The following MYO15A variants were observed in gnomAD, a reference collection of about 807,000 sequenced individuals.
MYO15A encodes the protein unconventional myosin-XV.
MYO15A carries 308 observed loss-of-function variants against 394.6 expected under a neutral mutation model. The ratio of observed to expected loss-of-function variants is 0.78; its 90% CI spans 0.71 to 0.86. The LOEUF is 0.86. Ranked by LOEUF, MYO15A falls within the 40% of genes least tolerant of loss-of-function variation. MYO15A has a pLI of 0.00. For missense variants in MYO15A, 4,606 were observed against 4,799.1 expected, an observed-to-expected ratio of 0.96 and a Z score of 1.19; for synonymous variants, 1,957 against 2,003.8, an observed-to-expected ratio of 0.98 and a Z score of 0.62.
intron 33 of MYO15A, 123 bp from the exon 34 acceptor site, chr17:18,149,093 A>T (rs1693518689): frequency 1.2e-5 from 18 of 1,481,636 alleles, no homozygotes; most frequent in Non-Finnish European, 1.6e-5. Flanking sequence ...AAGGAGGTAG[A>T]GTTCACCAAA....
Position 18,171,535 on chromosome 17 carries a change from G to A in MYO15A, c.10083-103G>A, listed in dbSNP as rs2046939733. 6 of 1,547,004 alleles carry A rather than the reference G, an allele frequency of 3.9e-6. No homozygotes were observed. In the Admixed American group the frequency reaches 1.0e-4, roughly 26 times the overall value. On this transcript the variant is annotated intron_variant, in intron 62 of 65. Coordinates refer to ENST00000647165, the MANE Select transcript of MYO15A (RefSeq NM_016239.4). ...CACTCCCTAGCATTTAGTCTTCCAG[G>A]GAGGTGCATAGATCAGGACTGCTCT...
Position 18,171,692 on chromosome 17 carries a change from G to A in MYO15A, c.10137G>A (p.Ser3379=), listed in dbSNP as rs778466138. 9 of 1,613,214 alleles carry A rather than the reference G, an allele frequency of 5.6e-6. No individual in the cohort carries two copies. The highest frequency in any genetic ancestry group is 3.3e-5 in the South Asian group (3 of 91,082). ...PAQLYRTTAG[S]TWLNLVSQHR... is the part of the protein sequence containing the mutation. ...AGCTCTACCGTACAACGGCAGGCTC[G>A]ACCTGGCTCAACCTGGTCAGCCAGC... The change falls in exon 63 of 66, where the codon TCG becomes TCA. Residue 3379 remains serine, a synonymous_variant. Coordinates refer to ENST00000647165, the MANE Select transcript of MYO15A (RefSeq NM_016239.4).
chr17:18,141,814 G>C (rs753377014), intron 23 of MYO15A, 44 bp downstream of exon 23: 45 of 1,590,958 alleles, frequency 2.8e-5, no homozygotes, highest in Non-Finnish European at 2.1e-5. Context: ...CCCAAGTTTG[G>C]GGGGGTCCAC....
At chr17:18,174,056 C>T (rs2046980408) in intron 65 of MYO15A, 135 bp downstream of exon 65, 2 of 1,259,250 alleles carry the variant, frequency 1.6e-6, no homozygotes, top group Admixed American at 4.9e-5. Context: ...CACAGCACAG[C>T]ACGGAACTGC....
At position 18,141,691 on chromosome 17, in the gene MYO15A, C is replaced by T; in HGVS notation, c.5570C>T (p.Ala1857Val). 1.2e-6 allele frequency: 2 copies of T among 1,614,082 alleles called. No individual in the cohort carries two copies. Among genetic ancestry groups the T allele is most frequent in the Non-Finnish European group, 1.7e-6 (2 of 1,180,028 alleles). Reference protein sequence around the residue: ...CLVALKHDLPANGDMCVSVLS... With the variant: ...CLVALKHDLPVNGDMCVSVLS... ...GTGGCCCTCAAGCATGACCTGCCGGCTAATGGGGACATGTGTGTGTCAGTG... is the reference window on the plus strand; with the variant it reads ...GTGGCCCTCAAGCATGACCTGCCGGTTAATGGGGACATGTGTGTGTCAGTG... Residue 1857 changes from alanine (A) to valine (V), a missense_variant, in exon 23 of 66, where the codon GCT becomes GTT. By Grantham distance (64) the Ala-to-Val change is moderately conservative. Around this residue, in one of 2 missense-constraint regions of MYO15A, gnomAD observed 2,776 missense variants for 3,109.3 expected, o/e 0.89. Transcript: ENST00000647165.
intron 16 of MYO15A, 197 bp downstream of exon 16, chr17:18,137,876 A>T: frequency 1.2e-6 from 1 of 842,200 alleles, no homozygotes; most frequent in East Asian, 2.7e-5. Context: ...TGCTGTGCTC[A>T]GAGAGGAGTC....
intron 62 of MYO15A, among the ~76,000 whole-genome samples, chr17:18,169,997 A>AAG (rs1491151650): frequency 1.4e-5 from 2 of 145,518 alleles, no homozygotes; most frequent in African/African-American, 5.1e-5. Context: ...AAAAAAAAAA[A>AAG]CCATTAGTGA....
At chr17:18,164,472 G>A (rs1290704055) in intron 60 of MYO15A, 1 of 160,340 alleles carries the variant, frequency 6.2e-6, no homozygotes, top group Non-Finnish European at 1.4e-5. Flanking sequence ...AAGACATTAG[G>A]GGAGAATGGC....
intron 64 of MYO15A, among the ~76,000 whole-genome samples, chr17:18,173,094 T>C (rs1292114446): frequency 8.5e-5 from 13 of 152,136 alleles, no homozygotes; most frequent in Non-Finnish European, 4.4e-5. Flanking sequence ...AAGTTGCTGA[T>C]GTGGGCACCT....
intron 62 of MYO15A, among the ~76,000 whole-genome samples, chr17:18,168,029 T>A (rs1188581280): frequency 2.0e-5 from 3 of 152,236 alleles, no homozygotes; most frequent in Non-Finnish European, 4.4e-5. Context: ...CATGTAGCTA[T>A]GCAGAAAGAT....
intron 18 of MYO15A, 124 bp from the exon 19 acceptor site, chr17:18,139,410 G>A: frequency 8.6e-7 from 1 of 1,160,176 alleles, no homozygotes; most frequent in Non-Finnish European, 1.3e-6. Context: ...CCCTCCCCCA[G>A]GAGTAGGGAG....
At position 18,162,609 on chromosome 17, in the gene MYO15A, A is replaced by G. The variant is rs2046792872; in HGVS notation, c.9542A>G (p.Asn3181Ser). ...GGGATCGCCAAGGCCTGCGAGCAGA[A>G]CCTGCAGAAAACCTTGCGCTTCGGA... Reference protein sequence around the residue: ...FQGIAKACEQNLQKTLRFGGR... With the variant: ...FQGIAKACEQSLQKTLRFGGR... The change falls in exon 58 of 66, where the codon AAC becomes AGC. Residue 3181 changes from asparagine (N) to serine (S), a missense_variant. This residue lies in a region of MYO15A where 2,776 missense variants were observed against 3,109.3 expected (regional missense o/e 0.89). Transcript: ENST00000647165. The G allele has an allele frequency of 6.2e-7, 1 of 1,613,938 alleles. No homozygotes were observed. Among genetic ancestry groups the G allele is most frequent in the African/African-American group, 1.3e-5 (1 of 74,934 alleles).
At chr17:18,161,206 G>A in intron 56 of MYO15A, 111 bp from the exon 57 acceptor site, 1 of 1,433,196 alleles carries the variant, frequency 7.0e-7, no homozygotes, top group East Asian at 2.5e-5. Flanking sequence ...GCATCCTCAG[G>A]GGACAGGAGC....
rs757305709 is a variant in MYO15A, at chr17:18,178,796, G to A, written c.10519G>A (p.Val3507Met). 1.9e-5 allele frequency: 31 copies of A among 1,613,824 alleles called. No homozygotes were observed. The highest frequency in any genetic ancestry group is 2.5e-5 in the Non-Finnish European group (29 of 1,180,028). The change falls in exon 66 of 66, where the codon GTG (valine) becomes ATG (methionine). Residue 3507 changes from valine to methionine, a missense_variant. This residue lies in a region of MYO15A where 2,776 missense variants were observed against 3,109.3 expected (regional missense o/e 0.89). Coordinates refer to ENST00000647165, the MANE Select transcript of MYO15A (RefSeq NM_016239.4). ...QGLELCRVVAVHVENLLSAHE... is the reference protein window; with the variant it reads ...QGLELCRVVAMHVENLLSAHE... ...ACTGGAACTGTGTCGTGTGGTGGCC[G>A]TGCACGTGGAGAACCTGCTCAGTGC...
At chr17:18,145,773 G>A (rs2046466719) in intron 29 of MYO15A, 99 bp from the exon 30 acceptor site, 3 of 981,530 alleles carry the variant, frequency 3.1e-6, no homozygotes, top group Non-Finnish European at 4.8e-6. Context: ...TATGGGCAGG[G>A]GCACACATGG....
At chr17:18,127,834 G>GATATATATATATATATATATATAT (rs55650584) in intron 7 of MYO15A, among the ~76,000 whole-genome samples, 1 of 131,082 alleles carries the variant, frequency 7.6e-6, no homozygotes, top group African/African-American at 2.8e-5. Context: ...GAAAAAAAAA[G>GATATATATATATATATATATATAT]ATATATATAT....
chr17:18,141,132 G>T lies in MYO15A; in HGVS notation c.5520G>T (p.Gly1840=), dbSNP rs764205091. ...EGFPVRLPFQ[G]FIDRYCCLVA... is the part of the protein sequence containing the mutation. ...TTCCAGTGCGCCTGCCTTTCCAGGG[G>T]TTCATCGACAGGTATCTTGGTTACG... The change falls in exon 22 of 66, where the codon GGG becomes GGT. Residue 1840 remains glycine, a synonymous_variant. Coordinates refer to ENST00000647165, the MANE Select transcript of MYO15A (RefSeq NM_016239.4). The T allele has an allele frequency of 1.2e-5, 19 of 1,613,618 alleles. No homozygotes were observed. The East Asian group carries it at 3.6e-4, about 30-fold the overall frequency.
chr17:18,166,555 C>T (rs758543889), intron 61 of MYO15A, 34 bp downstream of exon 61: 1 of 1,607,774 alleles, frequency 6.2e-7, no homozygotes, highest in Non-Finnish European at 8.5e-7. Flanking sequence ...GACTCTGGGA[C>T]CTTCTAGGCT....
At chr17:18,169,142 TAATAATAATAATAATAAA>T (rs1332411462) in intron 62 of MYO15A, among the ~76,000 whole-genome samples, 108 of 137,118 alleles carry the variant, frequency 7.9e-4, no homozygotes, top group Admixed American at 1.4e-3. Flanking sequence ...ATAATAATAA[TAATAATAATAATAATAAA>T]AATAGGCTGG....
Sources: allele counts gnomAD v4.1 joint callset (sites outside exome capture counted in the v4.1 genomes callset), GRCh38; gene constraint gnomAD v4.1.1; regional missense constraint gnomAD v4.1.1; transcripts MANE v1.5; gene names NCBI Gene and HGNC (gene_info 2026-07-23, HGNC 2026-07-21).